The following MYO18A variants were observed in gnomAD, a reference collection of about 807,000 sequenced individuals.
MYO18A encodes the protein myosin XVIIIA.
A neutral mutation model predicts 235.8 loss-of-function variants in MYO18A; 78 were observed. The ratio of observed to expected loss-of-function variants is 0.33; its 90% CI spans 0.28 to 0.40. The LOEUF is 0.40. Ranked by LOEUF, MYO18A falls within the 10% of genes least tolerant of loss-of-function variation. The pLI, the probability that MYO18A is intolerant of heterozygous loss-of-function variation, is 1.00. For missense variants in MYO18A, 2,215 were observed against 2,699.3 expected (o/e 0.82, Z 3.98); for synonymous variants, 977 against 1,077.8 (o/e 0.91, Z 1.83).
intron 25 of MYO18A, 49 bp downstream of exon 25, chr17:29,098,056 G>A (rs1317741043): frequency 6.2e-7 from 1 of 1,605,688 alleles, no homozygotes; most frequent in Non-Finnish European, 8.5e-7. Context: ...ATGGGCACTA[G>A]GGTATGGCAG....
At position 29,106,794 on chromosome 17, in the gene MYO18A, T is replaced by C. The variant is rs1449813929; in HGVS notation, c.3441+286A>G. On this transcript the variant is annotated intron_variant, in intron 20 of 41. Coordinates refer to ENST00000527372, the MANE Select transcript of MYO18A (RefSeq NM_078471.4). The surrounding 1 kb of genome is among the most constrained non-coding windows in gnomAD (Gnocchi z 4.6). ...GCCATCGGTGGGGCTCCCAAAGCAC[T>C]AATAATTCTCATGCACCCTCAGTGC... 1.3e-5 allele frequency among the ~76,000 whole-genome samples: 2 copies of C among 152,132 alleles called. No individual in the cohort carries two copies. Among genetic ancestry groups the C allele is most frequent in the Non-Finnish European group, 2.9e-5 (2 of 68,020 alleles).
intron 41 of MYO18A, among the ~76,000 whole-genome samples, 179 bp downstream of exon 41, chr17:29,082,137 C>G (rs1000722173): frequency 6.6e-6 from 1 of 152,204 alleles, no homozygotes; most frequent in Non-Finnish European, 1.5e-5. Context: ...ATAAGGGCGA[C>G]GCAGCCCTGG....
At chr17:29,167,120 TGCTA>T in intron 1 of MYO18A, 99 bp from the exon 2 acceptor site, 2 of 812,018 alleles carry the variant, frequency 2.5e-6, no homozygotes, top group Non-Finnish European at 3.7e-6. Context: ...CCTCACTGGG[TGCTA>T]GCTATGTGCC....
rs1482674676 is a variant in MYO18A at position 29,114,984 on chromosome 17, G to A, written c.2434C>T (p.His812Tyr). The change falls in exon 14 of 42, where the codon CAC (histidine) becomes TAC (tyrosine). Residue 812 changes from histidine (H) to tyrosine (Y), a missense_variant. Transcript: ENST00000527372. ...ARGASFEELC[H>Y]NYTQDRLQRL... ...TGCAGCCGGTCTTGGGTGTAGTTGT[G>A]GCACAGCTCCTCAAAGGAGGCTCCG... The A allele has an allele frequency of 6.2e-7, 1 of 1,613,918 alleles. No individual in the cohort carries two copies. Among genetic ancestry groups the A allele is most frequent in the Non-Finnish European group, 8.5e-7 (1 of 1,179,908 alleles).
At chr17:29,131,755 C>T (rs756669242) in intron 2 of MYO18A, among the ~76,000 whole-genome samples, 3 of 152,344 alleles carry the variant, frequency 2.0e-5, no homozygotes, top group South Asian at 2.1e-4. Context: ...GCTTTGGTTA[C>T]GTGGCAGATG....
chr17:29,170,584 TA>T (rs1231048623), intron 1 of MYO18A, among the ~76,000 whole-genome samples: 1 of 152,150 alleles, frequency 6.6e-6, no homozygotes, highest in Non-Finnish European at 1.5e-5. Flanking sequence ...CCAGTAAAGG[TA>T]ACCTTATAAT....
In MYO18A at chr17:29,126,821, T is replaced by G. The variant is rs2067332885; in HGVS notation, c.1000-4568A>C. Among the ~76,000 whole-genome samples, 1 of 152,216 alleles carries G rather than the reference T, an allele frequency of 6.6e-6. No individual in the cohort carries two copies. Among genetic ancestry groups the G allele is most frequent in the South Asian group, 2.1e-4 (1 of 4,830 alleles). On this transcript the variant is annotated intron_variant, in intron 2 of 41. Coordinates refer to ENST00000527372, the MANE Select transcript of MYO18A (RefSeq NM_078471.4). This position sits in a 1 kb window ranked among gnomAD's most constrained non-coding sequence, Gnocchi z 4.1. ...GCAACACTTTCCAAGGGAAAGAGGCTGGACTGACCCTCCCTCCTGCTTCTC... is the reference window on the plus strand; with the variant it reads ...GCAACACTTTCCAAGGGAAAGAGGCGGGACTGACCCTCCCTCCTGCTTCTC...
At chr17:29,133,841 C>T in intron 2 of MYO18A, 5 of 1,289,342 alleles carry the variant, frequency 3.9e-6, no homozygotes, top group Non-Finnish European at 5.1e-6. Context: ...GGCCATGGCG[C>T]TGAAGGTAAC....
chr17:29,177,668 G>A (rs2068563642), intron 1 of MYO18A, among the ~76,000 whole-genome samples: 1 of 152,186 alleles, frequency 6.6e-6, no homozygotes, highest in South Asian at 2.1e-4. Context: ...CCAATCCCAA[G>A]TCCTGTGGGA....
In MYO18A at chr17:29,111,916, G is replaced by T; in HGVS notation, c.2599-53C>A. 1 of 1,573,560 alleles carries T rather than the reference G, an allele frequency of 6.4e-7. No homozygotes were observed. Among genetic ancestry groups the T allele is most frequent in the Admixed American group, 1.9e-5 (1 of 53,804 alleles). ...TGTCATATGGAGCTGTGGGAAAGGG[G>T]CCAGGGTGGTGCCGGGCCCAAACAC... On this transcript the variant is annotated intron_variant, in intron 15 of 41. Transcript: ENST00000527372. The surrounding 1 kb of genome is among the most constrained non-coding windows in gnomAD (Gnocchi z 5.1).
chr17:29,136,165 G>A (rs1874609060), intron 2 of MYO18A, among the ~76,000 whole-genome samples: 1 of 150,660 alleles, frequency 6.6e-6, no homozygotes, highest in Admixed American at 6.6e-5. Context: ...GGAGGCAGAG[G>A]TTGTAGTGAG....
At chr17:29,162,386 C>T (rs1372561453) in intron 2 of MYO18A, among the ~76,000 whole-genome samples, 1 of 152,222 alleles carries the variant, frequency 6.6e-6, no homozygotes, top group Non-Finnish European at 1.5e-5. Context: ...CCTTCCCACA[C>T]ACCGTCTCCC....
chr17:29,130,474 CCACACACACACACACACACACACACA>C (rs71135871), intron 2 of MYO18A, among the ~76,000 whole-genome samples: 8 of 142,138 alleles, frequency 5.6e-5, no homozygotes, highest in Non-Finnish European at 1.1e-4. Flanking sequence ...GAGGCCTCTC[CCACACACACACACACACACACACACA>C]CACACACACA....
rs1448738869 is a variant in MYO18A at position 29,126,251 on chromosome 17, A to G, written c.1000-3998T>C. Among the ~76,000 whole-genome samples the G allele has an allele frequency of 2.0e-5, 3 of 151,176 alleles. No homozygotes were observed. Among genetic ancestry groups the G allele is most frequent in the Admixed American group, 6.6e-5 (1 of 15,230 alleles). On this transcript the variant is annotated intron_variant, in intron 2 of 41. Transcript: ENST00000527372. The surrounding 1 kb of genome is among the most constrained non-coding windows in gnomAD (Gnocchi z 4.1). ...CCCCAGGCCCAGGTGACAGGTGGCT[A>G]AACTCCAGGTCAGGGCATGTCTCAG...
At chr17:29,143,235 A>G (rs1386556760) in intron 2 of MYO18A, among the ~76,000 whole-genome samples, 1 of 152,148 alleles carries the variant, frequency 6.6e-6, no homozygotes, top group Non-Finnish European at 1.5e-5. Flanking sequence ...ATTCATTTTC[A>G]ATACTTAAAA....
chr17:29,099,250 C>T (rs1353679689), intron 22 of MYO18A, among the ~76,000 whole-genome samples: 3 of 152,230 alleles, frequency 2.0e-5, no homozygotes, highest in Non-Finnish European at 4.4e-5. Flanking sequence ...CTGATTATTT[C>T]CAGCACCCTG....
At chr17:29,080,572 C>A (rs906981191) in intron 41 of MYO18A, 2 of 985,746 alleles carry the variant, frequency 2.0e-6, no homozygotes, top group Admixed American at 6.1e-5. Context: ...GGAGGTGCTG[C>A]GGCGGGAACC....
At chr17:29,088,778 C>T (rs944445069) in intron 37 of MYO18A, among the ~76,000 whole-genome samples, 2 of 152,226 alleles carry the variant, frequency 1.3e-5, no homozygotes, top group African/African-American at 4.8e-5. Context: ...TGGCTCATGC[C>T]TGTAATCCCA....
At chr17:29,164,272 G>A (rs1026037585) in intron 2 of MYO18A, among the ~76,000 whole-genome samples, 1 of 152,190 alleles carries the variant, frequency 6.6e-6, no homozygotes, top group Non-Finnish European at 1.5e-5. Context: ...CTAACCTGGT[G>A]GCTAAAACAT....
Sources: gnomAD v4.1 joint callset for allele counts (sites outside exome capture counted in the v4.1 genomes callset) on GRCh38, gnomAD v4.1.1 for gene constraint, Gnocchi (gnomAD v3.1) non-coding constraint, MANE v1.5 for transcripts, NCBI Gene and HGNC (gene_info 2026-07-23, HGNC 2026-07-21) for gene names.